TRPS1: variants seen among roughly 807,000 people sequenced by gnomAD.
TRPS1 encodes zinc finger transcription factor Trps1.
TRPS1 carries 6 observed loss-of-function variants against 101.2 expected under a neutral mutation model. The observed-to-expected ratio is 0.06, with a 90% CI of 0.03 to 0.12. The LOEUF (loss-of-function observed/expected upper bound fraction) is 0.12, where lower values mean the gene tolerates loss of function less well. Among genes scored for constraint, TRPS1 ranks in the 10% least tolerant of loss-of-function variants. The probability of loss-of-function intolerance (pLI) is 1.00; values close to 1 mark genes in which losing one functional copy is unlikely to be tolerated. For synonymous variants in TRPS1, 578 were observed against 589.8 expected, an observed-to-expected ratio of 0.98 and a Z score of 0.29; for missense variants, 1,363 against 1,567.0, an observed-to-expected ratio of 0.87 and a Z score of 2.20.
chr8:115,520,248 C>T (rs999248296), intron 5 of TRPS1, among the ~76,000 whole-genome samples: 1 of 151,762 alleles, frequency 6.6e-6, no homozygotes, highest in African/African-American at 2.4e-5. Flanking sequence ...GCTCTGTATG[C>T]ATACATACCC....
At chr8:115,551,329 G>A (rs1264431808) in intron 5 of TRPS1, among the ~76,000 whole-genome samples, 2 of 152,122 alleles carry the variant, frequency 1.3e-5, no homozygotes, top group East Asian at 3.9e-4. Flanking sequence ...TATCATTCCA[G>A]TGCTAAAAAG....
chr8:115,631,634 C>CATGGATGGATGG (rs57368306), intron 1 of TRPS1, among the ~76,000 whole-genome samples: 7 of 149,292 alleles, frequency 4.7e-5, no homozygotes, highest in South Asian at 4.3e-4. Flanking sequence ...TTATTAGATG[C>CATGGATGGATGG]ATGGATGGAT....
At chr8:115,429,414 G>A (rs867306238) in intron 5 of TRPS1, among the ~76,000 whole-genome samples, 13 of 152,138 alleles carry the variant, frequency 8.5e-5, no homozygotes, top group African/African-American at 2.9e-4. Context: ...ATTAGCTCAA[G>A]GTAATACATT....
intron 5 of TRPS1, among the ~76,000 whole-genome samples, chr8:115,499,486 G>C (rs191997777): frequency 3.0e-4 from 46 of 152,032 alleles, no homozygotes; most frequent in Admixed American, 4.6e-4. Context: ...CCTTGCTGTA[G>C]CTGGTGAAGA....
At position 115,463,968 on chromosome 8, in the gene TRPS1, A is replaced by C. The variant is rs1814254424; in HGVS notation, c.2701-45516T>G. Reference sequence around the variant, plus strand: ...CTTCCTACAAAGTAGTTTATAGCTTAATGTGAAATATCTCTCTCCCCAATT... The same window carrying C: ...CTTCCTACAAAGTAGTTTATAGCTTCATGTGAAATATCTCTCTCCCCAATT... On this transcript the variant is annotated intron_variant, in intron 5 of 6. Coordinates refer to ENST00000395715, the MANE Select transcript of TRPS1 (RefSeq NM_014112.5). Among the ~76,000 whole-genome samples, 3 of 152,166 alleles carry C rather than the reference A, an allele frequency of 2.0e-5. No individual in the cohort carries two copies. In the South Asian group the frequency reaches 6.2e-4, roughly 32 times the overall value.
chr8:115,446,190 A>G (rs1813730220), intron 5 of TRPS1, among the ~76,000 whole-genome samples: 1 of 152,170 alleles, frequency 6.6e-6, no homozygotes, highest in African/African-American at 2.4e-5. Flanking sequence ...TGTTTCCAGC[A>G]GAAACATTTA....
chr8:115,499,591 A>G (rs914670786), intron 5 of TRPS1, among the ~76,000 whole-genome samples: 1 of 152,234 alleles, frequency 6.6e-6, no homozygotes, highest in Non-Finnish European at 1.5e-5. Context: ...AACAGTTTAA[A>G]TCAACAAGAA....
chr8:115,502,076 T>C (rs1815332263), intron 5 of TRPS1, among the ~76,000 whole-genome samples: 1 of 152,114 alleles, frequency 6.6e-6, no homozygotes, highest in African/African-American at 2.4e-5. Context: ...CACATCATCC[T>C]ATATGGTTTA....
intron 5 of TRPS1, among the ~76,000 whole-genome samples, chr8:115,481,178 T>C (rs1226737970): frequency 3.9e-5 from 6 of 151,934 alleles, no homozygotes; most frequent in African/African-American, 1.5e-4. Context: ...TTGACTTGTT[T>C]GCCCGTTTAC....
chr8:115,640,035 T>C (rs566242961), intron 1 of TRPS1, among the ~76,000 whole-genome samples: 1 of 152,306 alleles, frequency 6.6e-6, no homozygotes, highest in Non-Finnish European at 1.5e-5. Flanking sequence ...GTTACAGTAT[T>C]AGCAACACAT....
chr8:115,504,890 G>A (rs1586342661), intron 5 of TRPS1, among the ~76,000 whole-genome samples: 1 of 152,136 alleles, frequency 6.6e-6, no homozygotes, highest in African/African-American at 2.4e-5. Context: ...ATATCTGACT[G>A]TAACACCATC....
intron 5 of TRPS1, among the ~76,000 whole-genome samples, chr8:115,473,355 G>C (rs1320843460): frequency 2.0e-5 from 3 of 152,140 alleles, no homozygotes; most frequent in Non-Finnish European, 4.4e-5. Flanking sequence ...CAGATCTCAT[G>C]AGAATTCACT....
chr8:115,507,334 G>C (rs990562867), intron 5 of TRPS1, among the ~76,000 whole-genome samples: 1 of 151,942 alleles, frequency 6.6e-6, no homozygotes, highest in African/African-American at 2.4e-5. Flanking sequence ...AACCATTCAG[G>C]GTCCCCAAAC....
At chr8:115,522,390 C>G (rs1326137254) in intron 5 of TRPS1, among the ~76,000 whole-genome samples, 1 of 151,932 alleles carries the variant, frequency 6.6e-6, no homozygotes, top group Non-Finnish European at 1.5e-5. Flanking sequence ...ACACTTTATA[C>G]AAGCAATGGG....
At chr8:115,536,809 C>T (rs553375532) in intron 5 of TRPS1, among the ~76,000 whole-genome samples, 112 of 142,004 alleles carry the variant, frequency 7.9e-4, no homozygotes, top group Non-Finnish European at 1.2e-3. Flanking sequence ...TTTTTTTTTT[C>T]CCTCTTAGTG....
At chr8:115,451,076 T>C (rs969533671) in intron 5 of TRPS1, among the ~76,000 whole-genome samples, 1 of 152,184 alleles carries the variant, frequency 6.6e-6, no homozygotes, top group Non-Finnish European at 1.5e-5. Context: ...ATCTTTACTT[T>C]TAATGTTATT....
At chr8:115,556,169 C>G (rs915964079) in intron 5 of TRPS1, among the ~76,000 whole-genome samples, 58 of 152,284 alleles carry the variant, frequency 3.8e-4, no homozygotes, top group African/African-American at 1.3e-3. Flanking sequence ...TTGGCAACCT[C>G]TAGGTGTCAA....
intron 5 of TRPS1, among the ~76,000 whole-genome samples, chr8:115,431,799 C>T (rs1201576059): frequency 6.6e-6 from 1 of 151,932 alleles, no homozygotes; most frequent in Non-Finnish European, 1.5e-5. Context: ...AGTTGACTCA[C>T]TTGGGTTTAT....
At chr8:115,473,166 G>A (rs949474905) in intron 5 of TRPS1, among the ~76,000 whole-genome samples, 4 of 152,164 alleles carry the variant, frequency 2.6e-5, no homozygotes, top group Non-Finnish European at 5.9e-5. Flanking sequence ...ATAAAGAACT[G>A]CCCAAGACTG....
Sources: gnomAD v4.1 joint callset for allele counts (sites outside exome capture counted in the v4.1 genomes callset) on GRCh38, gnomAD v4.1.1 for gene constraint, MANE v1.5 for transcripts, NCBI Gene and HGNC (gene_info 2026-07-23, HGNC 2026-07-21) for gene names.